Variants in NIBAN2 observed in about 807,000 individuals in gnomAD.
NIBAN2 encodes the protein protein Niban 2.
In NIBAN2, 36 loss-of-function variants were observed where a neutral mutation model predicts 81.8. That is an observed-to-expected ratio of 0.44 (90% CI 0.34 to 0.58). NIBAN2 has a LOEUF of 0.58. NIBAN2 is among the 20% of genes least tolerant of loss of function. NIBAN2 has a pLI of 0.02. For missense variants in NIBAN2, 897 were observed against 1,014.1 expected (o/e 0.88, Z 1.57); for synonymous variants, 445 against 441.6 (o/e 1.01, Z -0.10).
At chr9:127,547,600 G>C (rs1275681053) in intron 1 of NIBAN2, among the ~76,000 whole-genome samples, 1 of 139,632 alleles carries the variant, frequency 7.2e-6, no homozygotes, top group Admixed American at 6.8e-5. Context: ...CACTTTGGGA[G>C]GCCAAGGTGG....
At chr9:127,571,107 G>A (rs1837940699), upstream of NIBAN2, among the ~76,000 whole-genome samples, 1 of 152,228 alleles carries the variant, frequency 6.6e-6, no homozygotes, top group Non-Finnish European at 1.5e-5. Flanking sequence ...TTCTTGGCTG[G>A]GCTGGAGGCC....
At chr9:127,530,134 T>C (rs980617736) in intron 2 of NIBAN2, among the ~76,000 whole-genome samples, 11 of 152,224 alleles carry the variant, frequency 7.2e-5, no homozygotes, top group African/African-American at 2.2e-4. Context: ...TTCTTTCCTT[T>C]CCTACCACAC....
chr9:127,509,120 C>T lies in NIBAN2; in HGVS notation c.1173G>A (p.Lys391=). 1 of 1,611,626 alleles carries T rather than the reference C, an allele frequency of 6.2e-7. No homozygotes were observed. Among genetic ancestry groups the T allele is most frequent in the Non-Finnish European group, 8.5e-7 (1 of 1,179,770 alleles). The change falls in exon 10 of 14, where the codon AAG becomes AAA. Residue 391 remains lysine, a synonymous_variant. Coordinates refer to ENST00000373312, the MANE Select transcript of NIBAN2 (RefSeq NM_022833.4). ...GGGGGTGGTACGCCAGCCGGGACAG[C>T]TTCTCCATGTACTGCAGGGGCCGGG... is the stretch of plus-strand genomic sequence containing the variant. ...GIDKLGEYME[K]LSRLAYHPLK...
chr9:127,517,107 C>G lies in NIBAN2; in HGVS notation c.810+5G>C, dbSNP rs748894869. The G allele has an allele frequency of 6.2e-7, 1 of 1,612,970 alleles. No individual in the cohort carries two copies. The highest frequency in any genetic ancestry group is 2.2e-5 in the East Asian group (1 of 44,848). ...TCCCCGCTCCAGGGCCCCAGGCCCA[C>G]CCACCTGGATCCACTGCCGCTGCCG... On this transcript the variant is annotated splice_donor_5th_base_variant and intron_variant, in intron 7 of 13. Transcript: ENST00000373312. The surrounding 1 kb of genome is among the most constrained non-coding windows in gnomAD (Gnocchi z 4.0).
At chr9:127,515,177 G>A (rs1290624243) in intron 8 of NIBAN2, among the ~76,000 whole-genome samples, 1 of 152,102 alleles carries the variant, frequency 6.6e-6, no homozygotes, top group African/African-American at 2.4e-5. Context: ...AACCATGATT[G>A]TACCACTGCT....
intron 1 of NIBAN2, 121 bp from the exon 2 acceptor site, chr9:127,531,899 G>T: frequency 7.5e-7 from 1 of 1,333,818 alleles, no homozygotes; most frequent in Non-Finnish European, 1.0e-6. Flanking sequence ...TGTTTGCACA[G>T]GCTCCTCGCG....
chr9:127,542,551 A>G (rs1292856139), intron 1 of NIBAN2, among the ~76,000 whole-genome samples: 1 of 152,206 alleles, frequency 6.6e-6, no homozygotes, highest in Non-Finnish European at 1.5e-5. Context: ...ATTCCTCACC[A>G]CGGAAACGGA....
chr9:127,565,371 G>A (rs1405050509), intron 1 of NIBAN2, among the ~76,000 whole-genome samples: 4 of 152,188 alleles, frequency 2.6e-5, no homozygotes, highest in East Asian at 3.8e-4. Context: ...ATTTCTTTCC[G>A]GGCTGATGAA....
Position 127,508,586 on chromosome 9 carries a change from C to T in NIBAN2, c.1318-48G>A, listed in dbSNP as rs767366730. On this transcript the variant is annotated intron_variant, in intron 10 of 13. Transcript: ENST00000373312. The surrounding 1 kb of genome is among the most constrained non-coding windows in gnomAD (Gnocchi z 6.4). The stretch of plus-strand genomic sequence containing the variant: ...GTGAAGCCCCCAGGGTGACCACAGC[C>T]CCTTCCTGGGTGCCGCTGAGGGGTC... 2.0e-6 allele frequency: 3 copies of T among 1,504,512 alleles called. No individual in the cohort carries two copies. The Admixed American group carries it at 5.0e-5, about 25-fold the overall frequency. The allele number at this position is 1,504,512 out of a possible 1,614,324, so 93.2% of individuals were successfully genotyped here. A position where few individuals can be genotyped will look rare whatever the true frequency, so the allele number is the denominator to read the frequency against.
In NIBAN2 at chr9:127,509,055, C is replaced by T. The variant is rs747464870; in HGVS notation, c.1238G>A (p.Arg413Gln). The change falls in exon 10 of 14, where the codon CGA (arginine) becomes CAA (glutamine). Residue 413 changes from arginine to glutamine, a missense_variant. Physicochemically the swap from Arg to Gln is conservative, Grantham distance 43. Coordinates refer to ENST00000373312, the MANE Select transcript of NIBAN2 (RefSeq NM_022833.4). ...QSCYEKMESL[R>Q]LDGLQQRFDV... ...AAATCGCTGCTGCAGCCCGTCCAGT[C>T]GCAGCGACTCCATCTTCTCATAGCA... is the stretch of plus-strand genomic sequence containing the variant. The T allele has an allele frequency of 3.6e-5, 58 of 1,613,612 alleles. No homozygotes were observed. The highest frequency in any genetic ancestry group is 1.1e-4 in the South Asian group (10 of 91,036).
chr9:127,506,844 C>T lies in NIBAN2; in HGVS notation c.*1G>A. On this transcript the variant is annotated 3_prime_UTR_variant, in exon 14 of 14. Coordinates refer to ENST00000373312, the MANE Select transcript of NIBAN2 (RefSeq NM_022833.4). ...TGTGCAGCAGTCAGGGACCCACTGG[C>T]CTAGAACTCAGTCTGCACCCCTGCA... The T allele has an allele frequency of 6.2e-7, 1 of 1,602,584 alleles. No individual in the cohort carries two copies. The highest frequency in any genetic ancestry group is 8.5e-7 in the Non-Finnish European group (1 of 1,174,820).
chr9:127,511,065 G>C (rs955123268), intron 8 of NIBAN2, among the ~76,000 whole-genome samples: 1 of 151,972 alleles, frequency 6.6e-6, no homozygotes, highest in African/African-American at 2.4e-5. Flanking sequence ...TAATTTTTGA[G>C]ACAGAGTCTC....
chr9:127,508,645 G>T lies in NIBAN2; in HGVS notation c.1318-107C>A. ...CAACCAGCCCCCCACCCCGAGGCCT[G>T]CCAGGGAGGAATGGCAAGCGGTCTA... On this transcript the variant is annotated intron_variant, in intron 10 of 13. Transcript: ENST00000373312. The surrounding 1 kb of genome is among the most constrained non-coding windows in gnomAD (Gnocchi z 6.4). 2 of 964,404 alleles carry T rather than the reference G, an allele frequency of 2.1e-6. No homozygotes were observed. Among genetic ancestry groups the T allele is most frequent in the Non-Finnish European group, 3.3e-6 (2 of 608,614 alleles). The allele number at this position is 964,404 out of a possible 1,614,324, so 59.7% of individuals were successfully genotyped here.
chr9:127,577,645 C>T (rs1838025328), intron 1 of NIBAN2, among the ~76,000 whole-genome samples: 1 of 152,096 alleles, frequency 6.6e-6, no homozygotes, highest in Non-Finnish European at 1.5e-5. Flanking sequence ...CCCACACCAT[C>T]CTCCAGATCC....
chr9:127,547,365 A>C (rs772380985), intron 1 of NIBAN2, among the ~76,000 whole-genome samples: 2 of 151,842 alleles, frequency 1.3e-5, no homozygotes, highest in Middle Eastern at 3.2e-3. Flanking sequence ...AAAAATACAA[A>C]AATTAGCTAG....
intron 1 of NIBAN2, chr9:127,561,415 C>G (rs1180925851): frequency 2.6e-6 from 1 of 391,462 alleles, no homozygotes; most frequent in African/African-American, 2.2e-5. Context: ...CTACCACTCA[C>G]ATATTGTCAC....
intron 5 of NIBAN2, among the ~76,000 whole-genome samples, chr9:127,520,229 C>CT (rs61128001): frequency 0.016 from 1,704 of 109,432 alleles, 50 homozygotes; most frequent in Non-Finnish European, 0.021. Context: ...GACCCAGGGT[C>CT]TTTTTTTTTT....
upstream of NIBAN2, among the ~76,000 whole-genome samples, chr9:127,571,151 G>T (rs373844728): frequency 1.1e-4 from 17 of 152,198 alleles, no homozygotes; most frequent in African/African-American, 4.1e-4. Flanking sequence ...GGCCACAGTG[G>T]CCTTTCCCCA....
intron 1 of NIBAN2, among the ~76,000 whole-genome samples, chr9:127,540,944 A>ACCC (rs1225350729): frequency 1.3e-5 from 2 of 152,184 alleles, no homozygotes; most frequent in Admixed American, 1.3e-4. Flanking sequence ...AGGTAGCAGC[A>ACCC]CCCTGTAGGG....
Sources: allele counts gnomAD v4.1 joint callset (sites outside exome capture counted in the v4.1 genomes callset), GRCh38; gene constraint gnomAD v4.1.1; non-coding constraint Gnocchi (gnomAD v3.1); transcripts MANE v1.5; gene names NCBI Gene and HGNC (gene_info 2026-07-23, HGNC 2026-07-21).